Variants in MLIP observed in about 807,000 individuals in gnomAD.
MLIP encodes muscular LMNA-interacting protein.
In MLIP, 79 loss-of-function variants were observed where a neutral mutation model predicts 84.8. The ratio of observed to expected loss-of-function variants is 0.93; its 90% CI spans 0.78 to 1.12. MLIP has a LOEUF of 1.12. Among genes scored for constraint, MLIP ranks in the 50% most tolerant of loss-of-function variants. The pLI, the probability that MLIP is intolerant of heterozygous loss-of-function variation, is 0.00. For missense variants in MLIP, 1,257 were observed against 1,160.6 expected (o/e 1.08, Z -1.21); for synonymous variants, 504 against 463.0 (o/e 1.09, Z -1.14).
chr6:54,173,656 A>C (rs1405615410), intron 9 of MLIP, among the ~76,000 whole-genome samples: 1 of 151,854 alleles, frequency 6.6e-6, no homozygotes, highest in Non-Finnish European at 1.5e-5. Flanking sequence ...TAGGAATGCA[A>C]TGCATAATAA....
intron 1 of MLIP, among the ~76,000 whole-genome samples, chr6:54,025,741 C>T (rs1288377090): frequency 1.9e-5 from 2 of 107,742 alleles, no homozygotes; most frequent in Non-Finnish European, 4.8e-5. Context: ...CATACGTTAA[C>T]TCCCCTAAGC....
At chr6:54,252,261 A>G (rs1273137220) in intron 12 of MLIP, among the ~76,000 whole-genome samples, 1 of 112,464 alleles carries the variant, frequency 8.9e-6, no homozygotes, top group Non-Finnish European at 1.6e-5. Flanking sequence ...ATATTATAAC[A>G]TATAATATAT....
In MLIP at chr6:54,087,236, G is replaced by A. The variant is rs76048090; in HGVS notation, c.64-34211G>A. The stretch of plus-strand genomic sequence containing the variant: ...AGCCAAAACAACAACCTATAGCTGT[G>A]CCTCTTCTGTGACTATGAGCGTAGA... On this transcript the variant is annotated intron_variant, in intron 1 of 12. Coordinates refer to the MLIP transcript ENST00000274897. Among the ~76,000 whole-genome samples the A allele has an allele frequency of 6.0e-4, 91 of 152,264 alleles. No homozygotes were observed. In the East Asian group the frequency reaches 7.3e-3, roughly 12 times the overall value.
intron 1 of MLIP, among the ~76,000 whole-genome samples, chr6:54,094,808 A>G (rs901208083): frequency 1.3e-5 from 2 of 152,106 alleles, no homozygotes; most frequent in South Asian, 4.1e-4. Flanking sequence ...CTTCTCAGTT[A>G]TAAATTCACA....
At chr6:54,044,493 T>C (rs941863418) in intron 1 of MLIP, among the ~76,000 whole-genome samples, 2 of 152,232 alleles carry the variant, frequency 1.3e-5, no homozygotes, top group African/African-American at 4.8e-5. Context: ...CTTTTTGTTT[T>C]TGAAATAATG....
rs917676518 is a variant in MLIP, at chr6:54,160,535, T to C, written c.2375T>C (p.Leu792Pro). 5 of 1,612,474 alleles carry C rather than the reference T, an allele frequency of 3.1e-6. No individual in the cohort carries two copies. The African/African-American group carries it at 5.3e-5, about 17-fold the overall frequency. The change falls in exon 7 of 14, where the codon CTC becomes CCC. Residue 792 changes from leucine (L) to proline (P), a missense_variant. Transcript: ENST00000502396. ...TTCCAGCTCTATTTTCCTGCACAGC[T>C]CAGGCAGCAAACTGAAGAGCTCTGT... is the stretch of plus-strand genomic sequence containing the variant. The part of the protein sequence containing the change: ...PPVELYFPAQ[L>P]RQQTEELCAT...
intron 1 of MLIP, chr6:54,030,801 T>A (rs1561877679): frequency 6.6e-6 from 1 of 152,180 alleles, no homozygotes; most frequent in East Asian, 1.9e-4. Flanking sequence ...CTTAATTATT[T>A]ACCTACCTAC....
intron 11 of MLIP, among the ~76,000 whole-genome samples, chr6:54,225,879 T>C (rs531277077): frequency 6.6e-6 from 1 of 152,214 alleles, no homozygotes; most frequent in Non-Finnish European, 1.5e-5. Flanking sequence ...TGTAAAGATA[T>C]AGTCTACAAG....
At chr6:54,252,208 A>G (rs1782650080) in intron 12 of MLIP, among the ~76,000 whole-genome samples, 1 of 109,956 alleles carries the variant, frequency 9.1e-6, no homozygotes, top group Non-Finnish European at 1.6e-5. Flanking sequence ...ATTATAACAT[A>G]TAATATATAA....
chr6:54,120,082 G>T (rs1770302048), intron 1 of MLIP, among the ~76,000 whole-genome samples: 1 of 152,036 alleles, frequency 6.6e-6, no homozygotes, highest in African/African-American at 2.4e-5. Flanking sequence ...ACTCTAATTT[G>T]CTCTCTAATT....
intron 11 of MLIP, among the ~76,000 whole-genome samples, chr6:54,206,390 C>G (rs1779036024): frequency 6.6e-6 from 1 of 151,850 alleles, no homozygotes; most frequent in African/African-American, 2.4e-5. Context: ...AATATTGTTT[C>G]ATCTGATTTT....
chr6:54,230,952 T>G (rs768207554), intron 12 of MLIP, 35 bp downstream of exon 12: 2 of 1,590,076 alleles, frequency 1.3e-6, no homozygotes, highest in South Asian at 2.2e-5. Flanking sequence ...GACTATTCTA[T>G]TCTGTGAACC....
rs1783672364 is a variant in MLIP at position 54,266,195 on chromosome 6, C to T, written c.*240C>T. On this transcript the variant is annotated 3_prime_UTR_variant, in exon 14 of 14. Coordinates refer to ENST00000502396, the MANE Select transcript of MLIP (RefSeq NM_001281747.2). Reference sequence around the variant, plus strand: ...TGCACCACTGTTCTAGCCTTTAATGCCTTCTACTTAATATTAAGCTGACCG... The same window carrying T: ...TGCACCACTGTTCTAGCCTTTAATGTCTTCTACTTAATATTAAGCTGACCG... The T allele has an allele frequency of 3.9e-6, 2 of 511,626 alleles. No homozygotes were observed. The highest frequency in any genetic ancestry group is 7.0e-6 in the Non-Finnish European group (2 of 285,726). 31.7% of individuals were successfully genotyped at this position (511,626 alleles called of 1,614,324 possible).
At chr6:54,103,193 C>T in intron 1 of MLIP, among the ~76,000 whole-genome samples, 1 of 152,016 alleles carries the variant, frequency 6.6e-6, no homozygotes, top group East Asian at 1.9e-4. Flanking sequence ...GTCCCAACCT[C>T]TAAAATTTCT....
rs1430785614 is a variant in MLIP, at chr6:54,199,238, TCCTC to T, written c.2590-2863_2590-2860del. Among the ~76,000 whole-genome samples the T allele has an allele frequency of 3.9e-5, 6 of 152,192 alleles. No homozygotes were observed. In the East Asian group the frequency reaches 9.7e-4, roughly 25 times the overall value. Reference sequence around the variant, plus strand: ...TCTATCTATTCTATGATGTCTCTCTTCCTCCCTGGAATCGGCATAGAAGTGATAA... The same window carrying T: ...TCTATCTATTCTATGATGTCTCTCTTCCTGGAATCGGCATAGAAGTGATAA... On this transcript the variant is annotated intron_variant, in intron 10 of 13. Transcript: ENST00000502396.
chr6:54,147,392 T>G (rs1772965781), intron 4 of MLIP, among the ~76,000 whole-genome samples: 1 of 152,122 alleles, frequency 6.6e-6, no homozygotes, highest in African/African-American at 2.4e-5. Flanking sequence ...GTATTTCAAT[T>G]TCCGTCCTTT....
At chr6:54,031,834 A>G (rs1764159098) in intron 1 of MLIP, 1 of 152,200 alleles carries the variant, frequency 6.6e-6, no homozygotes, top group Non-Finnish European at 1.5e-5. Context: ...AAAATTTTCC[A>G]TGAAATCTTT....
chr6:54,046,037 C>T (rs1216758499), intron 1 of MLIP: 1 of 152,132 alleles, frequency 6.6e-6, no homozygotes, highest in East Asian at 1.9e-4. Flanking sequence ...TTGGTACCAG[C>T]CTCTCTCTAG....
chr6:54,218,561 C>T (rs1445741968), intron 11 of MLIP, among the ~76,000 whole-genome samples: 1 of 152,036 alleles, frequency 6.6e-6, no homozygotes, highest in Non-Finnish European at 1.5e-5. Context: ...GCTCTGTTGC[C>T]CAGGTTGGAA....
Sources: gnomAD v4.1 joint callset for allele counts (sites outside exome capture counted in the v4.1 genomes callset) on GRCh38, gnomAD v4.1.1 for gene constraint, MANE v1.5 for transcripts, NCBI Gene and HGNC (gene_info 2026-07-23, HGNC 2026-07-21) for gene names.